RSU1: variants seen among roughly 807,000 people sequenced by gnomAD.
RSU1 encodes rsu-1.
RSU1 carries 26 observed loss-of-function variants against 31.1 expected under a neutral mutation model. That is an observed-to-expected ratio of 0.84 (90% CI 0.61 to 1.16). RSU1 has a LOEUF of 1.16. Ranked by LOEUF, RSU1 falls within the 50% of genes most tolerant of loss-of-function variation. The pLI is 0.00. For synonymous variants in RSU1, 164 were observed against 136.3 expected, an observed-to-expected ratio of 1.20 and a Z score of -1.41; for missense variants, 320 against 339.1, an observed-to-expected ratio of 0.94 and a Z score of 0.44.
At chr10:16,637,459 T>A (rs1263333366) in intron 8 of RSU1, among the ~76,000 whole-genome samples, 1 of 131,572 alleles carries the variant, frequency 7.6e-6, no homozygotes, top group African/African-American at 3.5e-5. Context: ...TCCTAAGGAT[T>A]TTTTTTTTTT....
intron 4 of RSU1, among the ~76,000 whole-genome samples, chr10:16,760,681 T>A (rs758572086): frequency 2.6e-5 from 4 of 152,114 alleles, no homozygotes; most frequent in Non-Finnish European, 5.9e-5. Flanking sequence ...AATGAAGGTA[T>A]CATTCCATCC....
intron 8 of RSU1, among the ~76,000 whole-genome samples, chr10:16,596,670 C>T (rs1456573573): frequency 2.6e-5 from 4 of 151,772 alleles, no homozygotes; most frequent in African/African-American, 9.7e-5. Flanking sequence ...CCGCACAGAG[C>T]AAAAAAATAC....
intron 8 of RSU1, among the ~76,000 whole-genome samples, chr10:16,620,054 T>A (rs1314547088): frequency 4.6e-5 from 7 of 152,160 alleles, no homozygotes; most frequent in African/African-American, 1.4e-4. Context: ...CTATGTTTCA[T>A]AATTAACGTG....
rs146838756 is a variant in RSU1 at position 16,710,175 on chromosome 10, G to A, written c.599-15020C>T. On this transcript the variant is annotated intron_variant, in intron 7 of 8. Coordinates refer to ENST00000345264, the MANE Select transcript of RSU1 (RefSeq NM_012425.4). ...TCATACATGACATTTACTGTGTTAA[G>A]GTACATACCTTCCATAACTAATTTG... is the stretch of plus-strand genomic sequence containing the variant. 2.2e-4 allele frequency among the ~76,000 whole-genome samples: 34 copies of A among 152,240 alleles called. No homozygotes were observed. In the East Asian group the frequency reaches 6.2e-3, roughly 28 times the overall value.
chr10:16,806,623 G>A (rs1838273648), intron 2 of RSU1, among the ~76,000 whole-genome samples: 1 of 152,032 alleles, frequency 6.6e-6, no homozygotes, highest in Non-Finnish European at 1.5e-5. Context: ...TAGATGGCAT[G>A]GTATTTCAAT....
At chr10:16,718,178 C>T (rs1019347208) in intron 7 of RSU1, among the ~76,000 whole-genome samples, 1 of 151,124 alleles carries the variant, frequency 6.6e-6, no homozygotes, top group Non-Finnish European at 1.5e-5. Flanking sequence ...TGACTCCAAG[C>T]ATTGGCACTT....
At position 16,732,300 on chromosome 10, in the gene RSU1, A is replaced by G. The variant is rs552214719; in HGVS notation, c.598+20239T>C. 4.6e-5 allele frequency among the ~76,000 whole-genome samples: 7 copies of G among 152,254 alleles called. No homozygotes were observed. The East Asian group carries it at 1.2e-3, about 25-fold the overall frequency. On this transcript the variant is annotated intron_variant, in intron 7 of 8. Coordinates refer to ENST00000345264, the MANE Select transcript of RSU1 (RefSeq NM_012425.4). Reference sequence around the variant, plus strand: ...TCTCACCTCTACTTCCTGTGGACTGAGTATTTATGACCCCTCCAAATCCAT... The same window carrying G: ...TCTCACCTCTACTTCCTGTGGACTGGGTATTTATGACCCCTCCAAATCCAT...
chr10:16,708,446 A>T (rs1456422768), intron 7 of RSU1, among the ~76,000 whole-genome samples: 1 of 152,160 alleles, frequency 6.6e-6, no homozygotes, highest in Non-Finnish European at 1.5e-5. Flanking sequence ...ATCTACATAA[A>T]AGTGAGCCTG....
intron 7 of RSU1, among the ~76,000 whole-genome samples, chr10:16,715,450 G>A (rs1433513883): frequency 6.6e-6 from 1 of 152,070 alleles, no homozygotes; most frequent in Non-Finnish European, 1.5e-5. Context: ...TTACATTTAG[G>A]TTTTTTATTC....
chr10:16,752,462 G>A, intron 7 of RSU1, 77 bp downstream of exon 7: 1 of 1,027,684 alleles, frequency 9.7e-7, no homozygotes, highest in Non-Finnish European at 1.5e-6. Flanking sequence ...AGAGGACAGA[G>A]GTTGTTCAGA....
At chr10:16,765,653 A>T (rs976141954) in intron 3 of RSU1, among the ~76,000 whole-genome samples, 2 of 152,234 alleles carry the variant, frequency 1.3e-5, no homozygotes, top group African/African-American at 4.8e-5. Context: ...TTCTACAAAC[A>T]TTTCTGTGGG....
chr10:16,712,145 T>G (rs1836033837), intron 7 of RSU1, among the ~76,000 whole-genome samples: 1 of 152,208 alleles, frequency 6.6e-6, no homozygotes, highest in Admixed American at 6.5e-5. Context: ...CAATTATAGC[T>G]ACTCCTGCTC....
chr10:16,637,447 T>C (rs149363451), intron 8 of RSU1, among the ~76,000 whole-genome samples: 432 of 151,654 alleles, frequency 2.8e-3, no homozygotes, highest in African/African-American at 0.01. Flanking sequence ...TACTTGTCAT[T>C]TTCCTAAGGA....
chr10:16,652,939 A>G (rs1216885584), intron 8 of RSU1, among the ~76,000 whole-genome samples: 1 of 152,064 alleles, frequency 6.6e-6, no homozygotes, highest in Non-Finnish European at 1.5e-5. Context: ...TCAGCCTCCC[A>G]AAGTGCCGAG....
chr10:16,761,556 G>T (rs577882538), intron 4 of RSU1, among the ~76,000 whole-genome samples: 1 of 152,218 alleles, frequency 6.6e-6, no homozygotes, highest in East Asian at 1.9e-4. Flanking sequence ...TGCTGTGAGC[G>T]TTTAAATATG....
At chr10:16,618,485 CAA>C (rs1834016540) in intron 8 of RSU1, among the ~76,000 whole-genome samples, 1 of 152,132 alleles carries the variant, frequency 6.6e-6, no homozygotes, top group African/African-American at 2.4e-5. Context: ...GGTATATACC[CAA>C]AGGATTATAA....
At chr10:16,717,311 A>G (rs1420128479) in intron 7 of RSU1, among the ~76,000 whole-genome samples, 3 of 152,238 alleles carry the variant, frequency 2.0e-5, no homozygotes, top group Non-Finnish European at 4.4e-5. Context: ...ATTAAGAAGT[A>G]TAAGTGACAT....
intron 1 of RSU1, 59 bp from the exon 2 acceptor site, chr10:16,817,143 C>T: frequency 1.6e-6 from 2 of 1,255,742 alleles, no homozygotes; most frequent in Non-Finnish European, 1.2e-6. Context: ...GGCGGAAAGG[C>T]AAGAGGCCTT....
At position 16,764,457 on chromosome 10, in the gene RSU1, T is replaced by C. The variant is rs1378032823; in HGVS notation, c.214A>G (p.Asn72Asp). Residue 72 changes from asparagine (N) to aspartate (D), a missense_variant, in exon 4 of 9, where the codon AAT becomes GAT. Asn to Asp is a conservative substitution (Grantham distance 23). Transcript: ENST00000345264. ...LKNLEVLNFF[N>D]NQIEELPTQI... ...GTGGGCAGCTCCTCGATTTGGTTAT[T>C]AAAAAAGTTGAGCACCTCCAAATTC... The C allele has an allele frequency of 6.2e-7, 1 of 1,613,924 alleles. No homozygotes were observed. The highest frequency in any genetic ancestry group is 8.5e-7 in the Non-Finnish European group (1 of 1,179,992).
Sources: gnomAD v4.1 joint callset for allele counts (sites outside exome capture counted in the v4.1 genomes callset) on GRCh38, gnomAD v4.1.1 for gene constraint, MANE v1.5 for transcripts, NCBI Gene and HGNC (gene_info 2026-07-23, HGNC 2026-07-21) for gene names.